The following TRIM46 variants were observed in gnomAD, a reference collection of about 807,000 sequenced individuals.
The protein encoded by TRIM46 is tripartite motif-containing protein 46.
In TRIM46, 17 loss-of-function variants were observed where a neutral mutation model predicts 69.7. The ratio of observed to expected loss-of-function variants is 0.24; its 90% CI spans 0.17 to 0.37. The LOEUF (loss-of-function observed/expected upper bound fraction) is 0.37, where lower values mean the gene tolerates loss of function less well. Ranked by LOEUF, TRIM46 falls within the 10% of genes least tolerant of loss-of-function variation. TRIM46 has a pLI of 1.00. For synonymous variants in TRIM46, 391 were observed against 429.0 expected (o/e 0.91, Z 1.09); for missense variants, 675 against 1,025.1 (o/e 0.66, Z 4.66).
Position 155,175,717 on chromosome 1 carries a change from T to C in TRIM46, c.325+70T>C. On this transcript the variant is annotated intron_variant, in intron 2 of 9. Coordinates refer to ENST00000334634, the MANE Select transcript of TRIM46 (RefSeq NM_025058.5). This position sits in a 1 kb window ranked among gnomAD's most constrained non-coding sequence, Gnocchi z 4.2. ...TCATCAGGAAGATGGAAGAAGTCCA[T>C]CACTGGTCAGAGGCATCTGTCTGTC... 6.2e-7 allele frequency: 1 copy of C among 1,608,940 alleles called. No homozygotes were observed. The highest frequency in any genetic ancestry group is 8.5e-7 in the Non-Finnish European group (1 of 1,178,710).
At chr1:155,177,135 C>T (rs1665721980) in intron 4 of TRIM46, 60 bp downstream of exon 4, 17 of 1,613,888 alleles carry the variant, frequency 1.1e-5, no homozygotes, top group Non-Finnish European at 1.4e-5. Context: ...CTTGCACCTC[C>T]TCCCAACTGC....
Position 155,181,738 on chromosome 1 carries a change from C to G in TRIM46, c.1589-114C>G, listed in dbSNP as rs530445465. On this transcript the variant is annotated intron_variant, in intron 8 of 9. Coordinates refer to ENST00000334634, the MANE Select transcript of TRIM46 (RefSeq NM_025058.5). This position sits in a 1 kb window ranked among gnomAD's most constrained non-coding sequence, Gnocchi z 4.3. ...TGTTCTCCTGAACCCCCTGCCTGTT[C>G]CTGGTGACTGAACCCCCTTGCAACG... The G allele has an allele frequency of 1.1e-5, 13 of 1,179,318 alleles. No individual in the cohort carries two copies. In the South Asian group the frequency reaches 1.7e-4, roughly 16 times the overall value. 73.1% of individuals were successfully genotyped at this position (1,179,318 alleles called of 1,614,324 possible). A position where few individuals can be genotyped will look rare whatever the true frequency, so the allele number is the denominator to read the frequency against.
chr1:155,179,507 C>T, intron 7 of TRIM46, 125 bp from the exon 8 acceptor site: 1 of 831,120 alleles, frequency 1.2e-6, no homozygotes, highest in Non-Finnish European at 1.8e-6. Context: ...GAGCCCTTCC[C>T]CAGCTCCCTC....
intron 1 of TRIM46, 149 bp downstream of exon 1, chr1:155,174,178 G>C (rs1235885996): frequency 4.4e-6 from 4 of 919,444 alleles, no homozygotes; most frequent in African/African-American, 1.6e-5. Flanking sequence ...TCGGGATGCA[G>C]GTATGAGAGG....
In TRIM46 at chr1:155,178,630, GC is replaced by G; in HGVS notation, c.1285+21del. ...TCCTGCGAGGTAAGGAGATGGCCAG[GC>G]CCCATGCCCAACCAGAGCCTTCTTC... On this transcript the variant is annotated intron_variant, in intron 7 of 9. Coordinates refer to ENST00000334634, the MANE Select transcript of TRIM46 (RefSeq NM_025058.5). The G allele has an allele frequency of 6.2e-7, 1 of 1,610,554 alleles. No homozygotes were observed. The highest frequency in any genetic ancestry group is 1.1e-5 in the South Asian group (1 of 91,084).
intron 7 of TRIM46, chr1:155,178,922 C>A: frequency 9.1e-7 from 1 of 1,096,366 alleles, no homozygotes; most frequent in Non-Finnish European, 1.3e-6. Flanking sequence ...CCACGCATCT[C>A]AGCCAACCAC....
Position 155,184,014 on chromosome 1 carries a change from G to A in TRIM46, c.2104G>A (p.Val702Ile). ...CTGCCTGGACTATGAGCGGGGCCGG[G>A]TTTCCTTCCTGGATGCTGTTTCCTT... ...GICLDYERGR[V>I]SFLDAVSFRG... Residue 702 changes from valine (V) to isoleucine (I), a missense_variant, in exon 10 of 10, where the codon GTT becomes ATT. Val to Ile is a conservative substitution (Grantham distance 29, BLOSUM62 3). Transcript: ENST00000334634. The surrounding 1 kb of genome is among the most constrained non-coding windows in gnomAD (Gnocchi z 5.6). The A allele has an allele frequency of 6.2e-7, 1 of 1,614,170 alleles. No individual in the cohort carries two copies. The highest frequency in any genetic ancestry group is 8.5e-7 in the Non-Finnish European group (1 of 1,180,036).
intron 7 of TRIM46, among the ~76,000 whole-genome samples, chr1:155,179,125 C>T (rs1348751913): frequency 6.6e-6 from 1 of 152,182 alleles, no homozygotes; most frequent in African/African-American, 2.4e-5. Flanking sequence ...TCAGCTTTTG[C>T]TGTCCCTCTG....
At position 155,184,358 on chromosome 1, in the gene TRIM46, G is replaced by C; in HGVS notation, c.*168G>C. On this transcript the variant is annotated 3_prime_UTR_variant, in exon 10 of 10. Coordinates refer to ENST00000334634, the MANE Select transcript of TRIM46 (RefSeq NM_025058.5). The surrounding 1 kb of genome is among the most constrained non-coding windows in gnomAD (Gnocchi z 5.6). ...CCCACAGTTTTCTCTTGACCCAGGGGCTCTCTTCTGCCCACCTCTCTGGAT... is the reference window on the plus strand; with the variant it reads ...CCCACAGTTTTCTCTTGACCCAGGGCCTCTCTTCTGCCCACCTCTCTGGAT... 2.7e-6 allele frequency: 2 copies of C among 743,414 alleles called. No homozygotes were observed. The highest frequency in any genetic ancestry group is 4.2e-6 in the Non-Finnish European group (2 of 471,486). 46.1% of individuals were successfully genotyped at this position (743,414 alleles called of 1,614,324 possible). A position where few individuals can be genotyped will look rare whatever the true frequency, so the allele number is the denominator to read the frequency against.
Position 155,175,507 on chromosome 1 carries a change from G to T in TRIM46, c.185G>T (p.Gly62Val). 6.2e-7 allele frequency: 1 copy of T among 1,614,124 alleles called. No homozygotes were observed. Among genetic ancestry groups the T allele is most frequent in the East Asian group, 2.2e-5 (1 of 44,890 alleles). ...VCQACAREVLGQQGYIGHGGD... is the reference protein window; with the variant it reads ...VCQACAREVLVQQGYIGHGGD... ...CAGGCCTGTGCCCGAGAGGTCTTGG[G>T]CCAGCAGGGCTACATAGGACATGGT... is the stretch of plus-strand genomic sequence containing the variant. The change falls in exon 2 of 10, where the codon GGC becomes GTC. Residue 62 changes from glycine (G) to valine (V), a missense_variant. Transcript: ENST00000334634. The surrounding 1 kb of genome is among the most constrained non-coding windows in gnomAD (Gnocchi z 4.2).
chr1:155,176,238 C>T lies in TRIM46; in HGVS notation c.669+7C>T. 1 of 1,589,166 alleles carries T rather than the reference C, an allele frequency of 6.3e-7. No individual in the cohort carries two copies. Among genetic ancestry groups the T allele is most frequent in the Non-Finnish European group, 8.6e-7 (1 of 1,169,210 alleles). ...CCTCTCCTTCCGACCCAAGGTGAGC[C>T]AGCCCTTCCAAGGCCTGGGGAGGGA... On this transcript the variant is annotated splice_region_variant and intron_variant, in intron 3 of 9. Coordinates refer to ENST00000334634, the MANE Select transcript of TRIM46 (RefSeq NM_025058.5).
chr1:155,181,700 G>T lies in TRIM46; in HGVS notation c.1589-152G>T. 1.4e-6 allele frequency: 1 copy of T among 725,994 alleles called. No individual in the cohort carries two copies. 45.0% of individuals were successfully genotyped at this position (725,994 alleles called of 1,614,324 possible). The stretch of plus-strand genomic sequence containing the variant: ...TTTTTTCCTCATGCCCCCCATTCCA[G>T]TTTCCCATGTCCTGTTCTCCTGAAC... On this transcript the variant is annotated intron_variant, in intron 8 of 9. Transcript: ENST00000334634. This position sits in a 1 kb window ranked among gnomAD's most constrained non-coding sequence, Gnocchi z 4.3.
Position 155,181,958 on chromosome 1 carries a change from G to C in TRIM46, c.1695G>C (p.Leu565=), listed in dbSNP as rs755558243. 26 of 1,613,952 alleles carry C rather than the reference G, an allele frequency of 1.6e-5. No homozygotes were observed. Among genetic ancestry groups the C allele is most frequent in the Non-Finnish European group, 1.9e-5 (23 of 1,180,024 alleles). The change falls in exon 9 of 10, where the codon CTG becomes CTC. Residue 565 remains leucine, a synonymous_variant. Coordinates refer to ENST00000334634, the MANE Select transcript of TRIM46 (RefSeq NM_025058.5). This position sits in a 1 kb window ranked among gnomAD's most constrained non-coding sequence, Gnocchi z 4.3. ...VRSVPGLPLL[L]AADRLLTGCH... is the part of the protein sequence containing the mutation. ...GTGTTCCAGGGCTGCCCCTGCTGCT[G>C]GCTGCTGACCGGCTGCTGACCGGCT...
intron 8 of TRIM46, chr1:155,180,304 A>G (rs1159441685): frequency 1.2e-5 from 4 of 326,782 alleles, no homozygotes; most frequent in Admixed American, 4.6e-5. Context: ...CGATCTCTAA[A>G]AAAATAAATA....
chr1:155,175,357 G>A lies in TRIM46; in HGVS notation c.64-29G>A, dbSNP rs760756735. ...CTGAGGTATGCCTAAGTGTCCAAGC[G>A]CTGACCTAGCCTCCTGGTCCCTCCA... is the stretch of plus-strand genomic sequence containing the variant. On this transcript the variant is annotated intron_variant, in intron 1 of 9. Transcript: ENST00000334634. The surrounding 1 kb of genome is among the most constrained non-coding windows in gnomAD (Gnocchi z 4.2). 1.4e-5 allele frequency: 22 copies of A among 1,611,846 alleles called. No individual in the cohort carries two copies. In the East Asian group the frequency reaches 2.5e-4, roughly 18 times the overall value.
chr1:155,174,921 CGAGCAGGATGGAGT>C, intron 1 of TRIM46: 1 of 1,399,824 alleles, frequency 7.1e-7, no homozygotes. Context: ...ACGTATGGAG[CGAGCAGGATGGAGT>C]GCCAACCTCG....
intron 9 of TRIM46, among the ~76,000 whole-genome samples, chr1:155,183,451 G>A (rs186555369): frequency 2.6e-5 from 4 of 151,750 alleles, no homozygotes; most frequent in South Asian, 2.1e-4. Flanking sequence ...CACTAATCTC[G>A]GATTCTTCCA....
intron 9 of TRIM46, 64 bp downstream of exon 9, chr1:155,182,213 GT>G: frequency 6.5e-7 from 1 of 1,527,678 alleles, no homozygotes; most frequent in Non-Finnish European, 8.9e-7. Flanking sequence ...CACAGAAGGG[GT>G]GGCAAGTGGA....
chr1:155,177,790 C>T (rs1431482927), intron 5 of TRIM46, among the ~76,000 whole-genome samples: 2 of 152,116 alleles, frequency 1.3e-5, no homozygotes, highest in African/African-American at 4.8e-5. Flanking sequence ...TGTGGGGTTC[C>T]GGGAAGGTTG....
Sources: gnomAD v4.1 joint callset for allele counts (sites outside exome capture counted in the v4.1 genomes callset) on GRCh38, gnomAD v4.1.1 for gene constraint, Gnocchi (gnomAD v3.1) non-coding constraint, MANE v1.5 for transcripts, NCBI Gene and HGNC (gene_info 2026-07-23, HGNC 2026-07-21) for gene names.